Variants in ZNF385B observed in about 807,000 individuals in gnomAD.
The protein encoded by ZNF385B is zinc finger protein 533.
ZNF385B carries 23 observed loss-of-function variants against 39.2 expected under a neutral mutation model. The observed-to-expected ratio is 0.59, with a 90% CI of 0.42 to 0.83. ZNF385B has a LOEUF of 0.83. Ranked by LOEUF, ZNF385B falls within the 40% of genes least tolerant of loss-of-function variation. The pLI is 0.00. For missense variants in ZNF385B, 552 were observed against 598.9 expected, an observed-to-expected ratio of 0.92 and a Z score of 0.82; for synonymous variants, 205 against 222.6, an observed-to-expected ratio of 0.92 and a Z score of 0.70.
chr2:179,832,041 G>C (rs1389024609), intron 1 of ZNF385B, among the ~76,000 whole-genome samples: 1 of 152,208 alleles, frequency 6.6e-6, no homozygotes, highest in Non-Finnish European at 1.5e-5. Flanking sequence ...ATCCAGCTGT[G>C]GGTCTGAGGA....
intron 3 of ZNF385B, among the ~76,000 whole-genome samples, chr2:179,752,963 T>G (rs2106472329): frequency 1.3e-5 from 2 of 152,352 alleles, no homozygotes; most frequent in South Asian, 4.1e-4. Context: ...CAATTCTGGC[T>G]TTTGTTGCCA....
At chr2:179,694,823 G>C (rs1326002553) in intron 3 of ZNF385B, among the ~76,000 whole-genome samples, 2 of 152,044 alleles carry the variant, frequency 1.3e-5, no homozygotes, top group Non-Finnish European at 2.9e-5. Flanking sequence ...CCAGCTACTC[G>C]GGAGGCTGAG....
At chr2:179,691,360 G>T (rs1223289366) in intron 3 of ZNF385B, among the ~76,000 whole-genome samples, 4 of 152,052 alleles carry the variant, frequency 2.6e-5, no homozygotes, top group African/African-American at 9.7e-5. Flanking sequence ...GAGCCCCAGA[G>T]AATATTCTTT....
intron 3 of ZNF385B, among the ~76,000 whole-genome samples, chr2:179,754,317 C>G (rs996947972): frequency 6.6e-6 from 1 of 152,150 alleles, no homozygotes; most frequent in Non-Finnish European, 1.5e-5. Context: ...TTTTGATGTG[C>G]TGCTGAATTC....
At chr2:179,593,285 A>G (rs1687727985) in intron 3 of ZNF385B, among the ~76,000 whole-genome samples, 1 of 152,206 alleles carries the variant, frequency 6.6e-6, no homozygotes, top group South Asian at 2.1e-4. Flanking sequence ...TGTTTGCTGA[A>G]CATTCCAAAT....
chr2:179,844,206 A>T (rs2106619572), intron 1 of ZNF385B, among the ~76,000 whole-genome samples: 1 of 152,328 alleles, frequency 6.6e-6, no homozygotes, highest in Admixed American at 6.5e-5. Context: ...TGTTGTATGA[A>T]CTTTGGGTAA....
intron 1 of ZNF385B, among the ~76,000 whole-genome samples, chr2:179,798,253 T>C (rs1705803868): frequency 1.3e-5 from 2 of 152,144 alleles, no homozygotes; most frequent in East Asian, 1.9e-4. Flanking sequence ...CCTTGCTTCC[T>C]ATCTCTTCTT....
At chr2:179,653,371 C>G (rs902174601) in intron 3 of ZNF385B, among the ~76,000 whole-genome samples, 3 of 152,208 alleles carry the variant, frequency 2.0e-5, no homozygotes, top group African/African-American at 7.2e-5. Flanking sequence ...AATGGCCTCT[C>G]TCTAGAAGAA....
At chr2:179,609,212 C>T (rs1187913855) in intron 3 of ZNF385B, among the ~76,000 whole-genome samples, 1 of 152,036 alleles carries the variant, frequency 6.6e-6, no homozygotes, top group African/African-American at 2.4e-5. Context: ...ACTTCCCCTC[C>T]CCAACCCTAC....
rs536576179 is a variant in ZNF385B at position 179,694,068 on chromosome 2, T to A, written c.298+75435A>T. On this transcript the variant is annotated intron_variant, in intron 3 of 9. Coordinates refer to ENST00000410066, the MANE Select transcript of ZNF385B (RefSeq NM_152520.6). ...CTTCAAATATAGAACTTTATCTGTT[T>A]TAAACTATATGTTAGAAATGGGGAA... Among the ~76,000 whole-genome samples, 11 of 152,342 alleles carry A rather than the reference T, an allele frequency of 7.2e-5. No homozygotes were observed. In the South Asian group the frequency reaches 2.1e-3, roughly 29 times the overall value.
chr2:179,550,879 C>T (rs1574749039), intron 3 of ZNF385B, among the ~76,000 whole-genome samples: 1 of 149,684 alleles, frequency 6.7e-6, no homozygotes, highest in East Asian at 1.9e-4. Context: ...GGAAATTTGG[C>T]CAAAATGCAT....
At chr2:179,674,860 C>A (rs1173750647) in intron 3 of ZNF385B, among the ~76,000 whole-genome samples, 1 of 152,132 alleles carries the variant, frequency 6.6e-6, no homozygotes, top group Non-Finnish European at 1.5e-5. Context: ...TTATAACCCC[C>A]AAATCCCCAA....
chr2:179,506,467 G>A (rs573783369), intron 5 of ZNF385B, among the ~76,000 whole-genome samples: 8 of 152,044 alleles, frequency 5.3e-5, no homozygotes, highest in East Asian at 1.9e-4. Flanking sequence ...AGAAATAAAC[G>A]AAAATAAAAT....
In ZNF385B at chr2:179,506,364, T is replaced by C. The variant is rs180755190; in HGVS notation, c.552+12164A>G. ...TATTAACTTATTTGGTAAATATAAA[T>C]TGTAGCTCATACATAAAATATTTTA... On this transcript the variant is annotated intron_variant, in intron 5 of 9. Transcript: ENST00000410066. 1.8e-4 allele frequency among the ~76,000 whole-genome samples: 27 copies of C among 152,284 alleles called. No individual in the cohort carries two copies. The East Asian group carries it at 4.8e-3, about 27-fold the overall frequency.
At chr2:179,595,628 T>C (rs1358522209) in intron 3 of ZNF385B, among the ~76,000 whole-genome samples, 2 of 151,570 alleles carry the variant, frequency 1.3e-5, no homozygotes, top group Non-Finnish European at 2.9e-5. Flanking sequence ...GATATTCTTT[T>C]TTTTTTTTTC....
Position 179,480,935 on chromosome 2 carries a change from C to G in ZNF385B, c.715+2337G>C, listed in dbSNP as rs1358765431. 52 of 152,240 alleles carry G rather than the reference C, an allele frequency of 3.4e-4. 1 individual carries two copies. The highest frequency in any genetic ancestry group is 3.4e-3 in the Middle Eastern group (1 of 294). 9.4% of individuals were successfully genotyped at this position (152,240 alleles called of 1,614,324 possible). A position where few individuals can be genotyped will look rare whatever the true frequency, so the allele number is the denominator to read the frequency against. ...ATTACTTCTAGTCCAAATCTGTAGT[C>G]ACAAAGTGAGTGACATCAATACTGT... On this transcript the variant is annotated intron_variant, in intron 6 of 9. Transcript: ENST00000410066.
chr2:179,722,570 C>G (rs1056205810), intron 3 of ZNF385B, among the ~76,000 whole-genome samples: 2 of 151,950 alleles, frequency 1.3e-5, no homozygotes, highest in Non-Finnish European at 1.5e-5. Context: ...AAATTGACTG[C>G]ACAAAAACAG....
intron 3 of ZNF385B, among the ~76,000 whole-genome samples, chr2:179,607,574 A>G (rs1688917624): frequency 6.6e-6 from 1 of 152,128 alleles, no homozygotes; most frequent in South Asian, 2.1e-4. Context: ...CAGTGTGAAA[A>G]TGGGCTAATA....
intron 1 of ZNF385B, among the ~76,000 whole-genome samples, chr2:179,788,920 C>G (rs1206826549): frequency 6.6e-6 from 1 of 152,096 alleles, no homozygotes; most frequent in African/African-American, 2.4e-5. Context: ...GGAACAAGAG[C>G]CTGATGAAAA....
Sources: allele counts gnomAD v4.1 joint callset (sites outside exome capture counted in the v4.1 genomes callset), GRCh38; gene constraint gnomAD v4.1.1; transcripts MANE v1.5; gene names NCBI Gene and HGNC (gene_info 2026-07-23, HGNC 2026-07-21).